The following NRXN3 variants were observed in gnomAD, a reference collection of about 807,000 sequenced individuals.
NRXN3 encodes neurexin III.
A neutral mutation model predicts 137.6 loss-of-function variants in NRXN3; 32 were observed. That is an observed-to-expected ratio of 0.23 (90% CI 0.18 to 0.31). NRXN3 has a LOEUF of 0.31. Among genes scored for constraint, NRXN3 ranks in the 10% least tolerant of loss-of-function variants. NRXN3 has a pLI of 1.00. For synonymous variants in NRXN3, 798 were observed against 784.5 expected (o/e 1.02, Z -0.29); for missense variants, 1,574 against 2,062.5 (o/e 0.76, Z 4.59).
At chr14:79,456,582 C>G (rs1351919960) in intron 15 of NRXN3, among the ~76,000 whole-genome samples, 2 of 152,044 alleles carry the variant, frequency 1.3e-5, no homozygotes, top group Admixed American at 1.3e-4. Context: ...CAAAAATTAT[C>G]CGAGCATAGT....
At chr14:79,615,262 T>C (rs2098142144) in intron 16 of NRXN3, among the ~76,000 whole-genome samples, 1 of 152,184 alleles carries the variant, frequency 6.6e-6, no homozygotes, top group Admixed American at 6.5e-5. Context: ...TAATGCATAA[T>C]GATAAATGCA....
intron 10 of NRXN3, among the ~76,000 whole-genome samples, chr14:78,818,840 C>T (rs1241700998): frequency 1.3e-5 from 2 of 152,120 alleles, no homozygotes; most frequent in African/African-American, 2.4e-5. Context: ...TCTTCCCTTT[C>T]ACATTGCCCA....
intron 15 of NRXN3, chr14:79,280,428 C>T (rs1056937332): frequency 1.2e-6 from 2 of 1,614,062 alleles, no homozygotes; most frequent in Non-Finnish European, 1.7e-6. Flanking sequence ...TCCTCCACCT[C>T]TTCCTCGCCG....
At chr14:78,619,011 A>G (rs1026775165) in intron 4 of NRXN3, among the ~76,000 whole-genome samples, 2 of 152,284 alleles carry the variant, frequency 1.3e-5, no homozygotes, top group East Asian at 1.9e-4. Flanking sequence ...TTGGACATGT[A>G]CATAGTTGAC....
At chr14:79,292,037 A>G (rs908981701) in intron 15 of NRXN3, among the ~76,000 whole-genome samples, 1 of 152,160 alleles carries the variant, frequency 6.6e-6, no homozygotes, top group African/African-American at 2.4e-5. Context: ...TGAGCCCCAG[A>G]GGGTTAAGCA....
At chr14:78,480,133 C>T (rs2095447850) in intron 4 of NRXN3, among the ~76,000 whole-genome samples, 1 of 151,956 alleles carries the variant, frequency 6.6e-6, no homozygotes, top group African/African-American at 2.4e-5. Context: ...AGAGTGAGAC[C>T]CTCAAAGAAA....
chr14:78,291,541 A>T (rs1258417743), intron 3 of NRXN3, among the ~76,000 whole-genome samples: 1 of 152,208 alleles, frequency 6.6e-6, no homozygotes, highest in Non-Finnish European at 1.5e-5. Context: ...ATTGAACAAC[A>T]TGACTTTTTT....
chr14:78,734,690 A>G (rs1474443295), intron 8 of NRXN3, among the ~76,000 whole-genome samples: 1 of 152,186 alleles, frequency 6.6e-6, no homozygotes, highest in Non-Finnish European at 1.5e-5. Flanking sequence ...TTGACATTTG[A>G]AGAATAAGAA....
intron 5 of NRXN3, among the ~76,000 whole-genome samples, chr14:78,650,892 G>A (rs1007127852): frequency 6.6e-6 from 1 of 152,110 alleles, no homozygotes; most frequent in Non-Finnish European, 1.5e-5. Context: ...GCCTGACTGT[G>A]TAAAGATTGC....
intron 1 of NRXN3, among the ~76,000 whole-genome samples, chr14:78,171,214 G>C (rs987435760): frequency 1.2e-4 from 16 of 132,924 alleles, no homozygotes; most frequent in African/African-American, 4.1e-4. Context: ...GTGAGTGTGT[G>C]TGTGCTTTTT....
intron 4 of NRXN3, among the ~76,000 whole-genome samples, chr14:78,508,024 A>G (rs1339083056): frequency 1.3e-5 from 2 of 152,200 alleles, no homozygotes; most frequent in Non-Finnish European, 2.9e-5. Flanking sequence ...TGGTATGGAA[A>G]TAAAGCTCTT....
At chr14:79,717,961 T>G in intron 19 of NRXN3, among the ~76,000 whole-genome samples, 1 of 152,158 alleles carries the variant, frequency 6.6e-6, no homozygotes, top group East Asian at 1.9e-4. Flanking sequence ...TTGTAGACTC[T>G]GAGGCTGCAA....
intron 16 of NRXN3, among the ~76,000 whole-genome samples, chr14:79,479,487 GAT>G (rs2096588224): frequency 6.6e-6 from 1 of 151,838 alleles, no homozygotes; most frequent in Non-Finnish European, 1.5e-5. Flanking sequence ...CATAGATATA[GAT>G]ATATACTGCT....
chr14:79,811,055 T>C (rs1351020326), intron 20 of NRXN3, among the ~76,000 whole-genome samples: 4 of 152,226 alleles, frequency 2.6e-5, no homozygotes, highest in Non-Finnish European at 5.9e-5. Flanking sequence ...GATTTTTCTA[T>C]ATGAAAACTC....
chr14:78,396,124 A>C (rs1282980309), intron 4 of NRXN3, among the ~76,000 whole-genome samples: 1 of 150,736 alleles, frequency 6.6e-6, no homozygotes, highest in Non-Finnish European at 1.5e-5. Flanking sequence ...TGGTATTTTG[A>C]ATGTATTTCT....
intron 4 of NRXN3, among the ~76,000 whole-genome samples, chr14:78,319,765 C>T (rs1055288093): frequency 6.6e-6 from 1 of 152,216 alleles, no homozygotes; most frequent in Admixed American, 6.5e-5. Context: ...GTTGGTCTTG[C>T]CATCCCTGTG....
At chr14:78,848,568 T>C (rs1404231205) in intron 10 of NRXN3, among the ~76,000 whole-genome samples, 1 of 152,050 alleles carries the variant, frequency 6.6e-6, no homozygotes, top group Non-Finnish European at 1.5e-5. Context: ...TACATGAAGT[T>C]ATCGATGCAT....
chr14:78,265,947 G>T (rs1299069714), intron 2 of NRXN3, among the ~76,000 whole-genome samples: 1 of 152,138 alleles, frequency 6.6e-6, no homozygotes, highest in African/African-American at 2.4e-5. Flanking sequence ...TTGTTCATCT[G>T]CCATCACCCC....
At chr14:79,229,621 A>G (rs2071741861) in intron 15 of NRXN3, among the ~76,000 whole-genome samples, 1 of 152,300 alleles carries the variant, frequency 6.6e-6, no homozygotes. Flanking sequence ...AGGAGCAGAA[A>G]GTATGCTGGC....
Sources: gnomAD v4.1 joint callset for allele counts (sites outside exome capture counted in the v4.1 genomes callset) on GRCh38, gnomAD v4.1.1 for gene constraint, MANE v1.5 for transcripts, NCBI Gene and HGNC (gene_info 2026-07-23, HGNC 2026-07-21) for gene names.